SLC25A28: variants seen among roughly 807,000 people sequenced by gnomAD.
SLC25A28 encodes the protein solute carrier family 25 member 28, also known as mitoferrin-2.
Under a neutral mutation model 31.9 loss-of-function variants are expected in SLC25A28, and 10 were observed. That is an observed-to-expected ratio of 0.31 (90% CI 0.19 to 0.53). The LOEUF is 0.53. Ranked by LOEUF, SLC25A28 falls within the 20% of genes least tolerant of loss-of-function variation. The pLI is 0.95. For synonymous variants in SLC25A28, 208 were observed against 203.6 expected (o/e 1.02, Z -0.19); for missense variants, 256 against 490.3 (o/e 0.52, Z 4.51).
the SLC25A28 span, among the ~76,000 whole-genome samples, chr10:99,627,451 T>C: frequency 3.3e-5 from 5 of 151,542 alleles, no homozygotes; most frequent in Non-Finnish European, 1.5e-5. Flanking sequence ...CTTGTTTTTT[T>C]TTTTTTTGAG....
intron 1 of SLC25A28, chr10:99,615,848 G>A (rs2034639179): frequency 2.0e-6 from 2 of 985,234 alleles, no homozygotes; most frequent in African/African-American, 3.5e-5. Flanking sequence ...CAATTGCATT[G>A]CTCTGCTGCA....
chr10:99,615,181 C>G (rs1307365604), intron 1 of SLC25A28, among the ~76,000 whole-genome samples: 3 of 152,000 alleles, frequency 2.0e-5, no homozygotes, highest in African/African-American at 7.3e-5. Context: ...ATGGTGAAAC[C>G]CCGTCTCTAT....
At position 99,613,559 on chromosome 10, in the gene SLC25A28, G is replaced by C; in HGVS notation, c.520+137C>G. 4 of 1,506,468 alleles carry C rather than the reference G, an allele frequency of 2.7e-6. No homozygotes were observed. The highest frequency in any genetic ancestry group is 2.7e-6 in the Non-Finnish European group (3 of 1,129,822). 93.3% of individuals were successfully genotyped at this position (1,506,468 alleles called of 1,614,324 possible). ...CCGTTGTCTGAGAACATCAGGTTTGGAAGTCCCTCCCTTATAATCTGGCCT... is the reference window on the plus strand; with the variant it reads ...CCGTTGTCTGAGAACATCAGGTTTGCAAGTCCCTCCCTTATAATCTGGCCT... On this transcript the variant is annotated intron_variant, in intron 2 of 3. Transcript: ENST00000370495. This position sits in a 1 kb window ranked among gnomAD's most constrained non-coding sequence, Gnocchi z 4.9.
chr10:99,644,573 A>T, the SLC25A28 span, among the ~76,000 whole-genome samples: 1 of 152,100 alleles, frequency 6.6e-6, no homozygotes, highest in African/African-American at 2.4e-5. Flanking sequence ...TAATATTGTT[A>T]TGTGTGAATT....
chr10:99,637,847 A>G, the SLC25A28 span, among the ~76,000 whole-genome samples: 1 of 152,250 alleles, frequency 6.6e-6, no homozygotes, highest in Admixed American at 6.5e-5. Context: ...GGGTAGAATC[A>G]ATATTGTGAA....
chr10:99,628,951 A>G, the SLC25A28 span, among the ~76,000 whole-genome samples: 1 of 152,248 alleles, frequency 6.6e-6, no homozygotes, highest in South Asian at 2.1e-4. Flanking sequence ...TTCAGCCACT[A>G]TGGAAAACAG....
rs757466311 is a variant in SLC25A28, at chr10:99,620,060, G to A, written c.276C>T (p.Pro92=). The A allele has an allele frequency of 1.7e-5, 27 of 1,582,286 alleles. No homozygotes were observed. The Admixed American group carries it at 3.2e-4, about 19-fold the overall frequency. The change falls in exon 1 of 4, where the codon CCC becomes CCT. Residue 92 remains proline (P), a synonymous_variant. Coordinates refer to ENST00000370495, the MANE Select transcript of SLC25A28 (RefSeq NM_031212.4). ...CAGGTCTCACCTTGACGCAGTCGAT[G>A]GGGTACATCACGCAGTGCTCCAGGA... ...AGILEHCVMY[P]IDCVKTRMQS...
At chr10:99,616,981 C>G in intron 1 of SLC25A28, 3 of 985,170 alleles carry the variant, frequency 3.0e-6, no homozygotes, top group Non-Finnish European at 3.6e-6. Flanking sequence ...GCTAATGTTT[C>G]CATTTCCTAA....
intron 1 of SLC25A28, chr10:99,616,274 G>T: frequency 1.1e-6 from 1 of 900,434 alleles, no homozygotes; most frequent in Non-Finnish European, 1.3e-6. Context: ...TTTGCTAGTT[G>T]TGTGATCTTG....
upstream of SLC25A28, chr10:99,621,051 C>T (rs1171459669): frequency 4.3e-6 from 4 of 926,122 alleles, no homozygotes; most frequent in Non-Finnish European, 3.9e-6. Context: ...GGGCGTGAGG[C>T]GGGGCCGGCC....
the SLC25A28 span, among the ~76,000 whole-genome samples, chr10:99,633,438 G>T: frequency 5.3e-5 from 8 of 152,072 alleles, no homozygotes; most frequent in African/African-American, 1.9e-4. Context: ...GCTCACATTT[G>T]TAATCCCAGC....
chr10:99,625,182 C>T (rs2034862338), upstream of SLC25A28, among the ~76,000 whole-genome samples: 1 of 21,462 alleles, frequency 4.7e-5, no homozygotes, highest in South Asian at 1.4e-3. Context: ...AAGATATTGC[C>T]GACCCAAAGA....
rs2034513225 is a variant in SLC25A28 at position 99,611,131 on chromosome 10, T to C, written c.813A>G (p.Ala271=). ...PSSHVLSGAC[A]GAVAAAATTP... is the part of the protein sequence containing the mutation. Reference sequence around the variant, plus strand: ...TTGTGGCTGCGGCAGCTACAGCTCCTGCGCAAGCTCCAGAGAGGACGTGGG... The same window carrying C: ...TTGTGGCTGCGGCAGCTACAGCTCCCGCGCAAGCTCCAGAGAGGACGTGGG... The change falls in exon 4 of 4, where the codon GCA becomes GCG. Residue 271 remains alanine, a synonymous_variant. Coordinates refer to ENST00000370495, the MANE Select transcript of SLC25A28 (RefSeq NM_031212.4). The surrounding 1 kb of genome is among the most constrained non-coding windows in gnomAD (Gnocchi z 5.5). 1.9e-6 allele frequency: 3 copies of C among 1,614,192 alleles called. No individual in the cohort carries two copies. The highest frequency in any genetic ancestry group is 2.5e-6 in the Non-Finnish European group (3 of 1,180,044).
chr10:99,613,103 C>T lies in SLC25A28; in HGVS notation c.521-504G>A, dbSNP rs1321867841. Among the ~76,000 whole-genome samples, 4 of 152,230 alleles carry T rather than the reference C, an allele frequency of 2.6e-5. No individual in the cohort carries two copies. In the East Asian group the frequency reaches 7.7e-4, roughly 29 times the overall value. ...TACTCTACCCCTCATCCTCTCCACA[C>T]TCAACTTGGTTTCCAGCCGGTCCTA... On this transcript the variant is annotated intron_variant, in intron 2 of 3. Transcript: ENST00000370495. The surrounding 1 kb of genome is among the most constrained non-coding windows in gnomAD (Gnocchi z 4.9).
At chr10:99,650,076 A>G in the SLC25A28 span, among the ~76,000 whole-genome samples, 992 of 152,316 alleles carry the variant, frequency 6.5e-3, 15 homozygotes, top group African/African-American at 0.021. Flanking sequence ...ATTTAATGCT[A>G]TAAACTTCCC....
Position 99,613,221 on chromosome 10 carries a change from G to A in SLC25A28, c.520+475C>T, listed in dbSNP as rs529515878. On this transcript the variant is annotated intron_variant, in intron 2 of 3. Coordinates refer to ENST00000370495, the MANE Select transcript of SLC25A28 (RefSeq NM_031212.4). This position sits in a 1 kb window ranked among gnomAD's most constrained non-coding sequence, Gnocchi z 4.9. ...GCCCCACCCCCATTCATTTTGTCAT[G>A]AGGCTTTGTCATGTTCTCAACACAA... 1.3e-5 allele frequency among the ~76,000 whole-genome samples: 2 copies of A among 152,242 alleles called. No homozygotes were observed. The highest frequency in any genetic ancestry group is 3.9e-4 in the East Asian group (2 of 5,182).
In SLC25A28 at chr10:99,611,737, C is replaced by T. The variant is rs116233561; in HGVS notation, c.578-371G>A. Among the ~76,000 whole-genome samples the T allele has an allele frequency of 1.5e-4, 23 of 152,242 alleles. No homozygotes were observed. In the South Asian group the frequency reaches 3.5e-3, roughly 23 times the overall value. Reference sequence around the variant, plus strand: ...AATGACTCCATGATAGTGATCATCACGAACACAGGCCCCTAACAATCCCAA... The same window carrying T: ...AATGACTCCATGATAGTGATCATCATGAACACAGGCCCCTAACAATCCCAA... On this transcript the variant is annotated intron_variant, in intron 3 of 3. Coordinates refer to ENST00000370495, the MANE Select transcript of SLC25A28 (RefSeq NM_031212.4). The surrounding 1 kb of genome is among the most constrained non-coding windows in gnomAD (Gnocchi z 5.5).
chr10:99,622,456 TC>T (rs1265616710), upstream of SLC25A28, among the ~76,000 whole-genome samples: 1 of 152,206 alleles, frequency 6.6e-6, no homozygotes, highest in African/African-American at 2.4e-5. Flanking sequence ...GAGTACTAAT[TC>T]CCTTTACTGC....
At chr10:99,651,831 C>T in the SLC25A28 span, among the ~76,000 whole-genome samples, 127,515 of 151,842 alleles carry the variant, frequency 0.84, 53,791 homozygotes, top group Middle Eastern at 0.92. Flanking sequence ...ACTCCTCCCA[C>T]CTCAGCCTCC....
Sources: gnomAD v4.1 joint callset for allele counts (sites outside exome capture counted in the v4.1 genomes callset) on GRCh38, gnomAD v4.1.1 for gene constraint, Gnocchi (gnomAD v3.1) non-coding constraint, MANE v1.5 for transcripts, NCBI Gene and HGNC (gene_info 2026-07-23, HGNC 2026-07-21) for gene names.